The following GPLD1 variants were observed in gnomAD, a reference collection of about 807,000 sequenced individuals.
GPLD1 encodes the protein phosphatidylinositol-glycan-specific phospholipase D.
In GPLD1, 84 loss-of-function variants were observed where a neutral mutation model predicts 112.6. The observed-to-expected ratio is 0.75, with a 90% confidence interval of 0.63 to 0.89. The LOEUF (loss-of-function observed/expected upper bound fraction) is 0.89. GPLD1 is among the 40% of genes least tolerant of loss of function. The pLI is 0.00. For missense variants in GPLD1, 1,044 were observed against 1,051.5 expected (o/e 0.99, Z 0.10); for synonymous variants, 386 against 403.8 (o/e 0.96, Z 0.53).
chr6:24,464,730 G>T (rs1050209077), intron 10 of GPLD1, among the ~76,000 whole-genome samples: 1 of 152,138 alleles, frequency 6.6e-6, no homozygotes, highest in Non-Finnish European at 1.5e-5. Context: ...CCAGGCACAG[G>T]TCCCGCCCAG....
chr6:24,478,055 C>T (rs915953384), intron 3 of GPLD1, among the ~76,000 whole-genome samples: 2 of 152,146 alleles, frequency 1.3e-5, no homozygotes, highest in Non-Finnish European at 2.9e-5. Context: ...CTTTTCCACT[C>T]TCCTCAGAAC....
chr6:24,466,807 A>G lies in GPLD1; in HGVS notation c.694T>C (p.Tyr232His), dbSNP rs1372981594. Residue 232 changes from tyrosine (Y) to histidine (H), a missense_variant, in exon 10 of 25, where the codon TAC becomes CAC. Coordinates refer to ENST00000230036, the MANE Select transcript of GPLD1 (RefSeq NM_001503.4). The part of the protein sequence containing the change: ...MLAVSKLYPT[Y>H]STKSPFLVEQ... ...ACCAAAAACGGGGACTTTGTAGAGT[A>G]AGTGGGATATAACTATGGCAGAGAG... The G allele has an allele frequency of 3.7e-6, 6 of 1,610,146 alleles. No individual in the cohort carries two copies. Among genetic ancestry groups the G allele is most frequent in the Non-Finnish European group, 4.2e-6 (5 of 1,176,886 alleles).
At chr6:24,494,270 A>G (rs934883499), upstream of GPLD1, among the ~76,000 whole-genome samples, 2 of 152,158 alleles carry the variant, frequency 1.3e-5, no homozygotes, top group African/African-American at 2.4e-5. Flanking sequence ...ATATGGTTCT[A>G]TTTTATAAGT....
intron 14 of GPLD1, among the ~76,000 whole-genome samples, chr6:24,451,999 TC>T (rs1763106664): frequency 6.6e-6 from 1 of 152,222 alleles, no homozygotes; most frequent in Non-Finnish European, 1.5e-5. Flanking sequence ...GCCTTGAGTT[TC>T]CTATCATAAA....
chr6:24,430,869 A>G (rs1762380555), intron 24 of GPLD1, among the ~76,000 whole-genome samples: 2 of 152,208 alleles, frequency 1.3e-5, no homozygotes, highest in African/African-American at 4.8e-5. Context: ...ACCCAGGTAA[A>G]CAATAATTAG....
rs1448685448 is a variant in GPLD1, at chr6:24,483,901, TTTG to T, written c.153+2171_153+2173del. 3.5e-4 allele frequency among the ~76,000 whole-genome samples: 10 copies of T among 28,600 alleles called. No individual in the cohort carries two copies. In the South Asian group the frequency reaches 6.4e-3, roughly 18 times the overall value. The allele number at this position is 28,600 out of a possible 152,430, so 18.8% of individuals were successfully genotyped here. A position where few individuals can be genotyped will look rare whatever the true frequency, so the allele number is the denominator to read the frequency against. On this transcript the variant is annotated intron_variant, in intron 2 of 24. Transcript: ENST00000230036. ...TAGGATTAGAGGCATGCCCCACCACTTTGTTTTGTTTTGTTTTGTTTTGTTTTG... is the reference window on the plus strand; with the variant it reads ...TAGGATTAGAGGCATGCCCCACCACTTTTTGTTTTGTTTTGTTTTGTTTTG...
intron 2 of GPLD1, among the ~76,000 whole-genome samples, chr6:24,481,393 T>C (rs1025014671): frequency 6.6e-6 from 1 of 151,290 alleles, no homozygotes; most frequent in African/African-American, 2.4e-5. Flanking sequence ...GGACCATATA[T>C]AGGTGCAACA....
intron 10 of GPLD1, 50 bp from the exon 11 acceptor site, chr6:24,462,845 A>G (rs1233942729): frequency 7.5e-7 from 1 of 1,326,676 alleles, no homozygotes; most frequent in South Asian, 1.2e-5. Context: ...CTTCACAAGC[A>G]TGAATTTTAC....
intron 12 of GPLD1, among the ~76,000 whole-genome samples, chr6:24,456,956 C>T (rs970982584): frequency 1.3e-5 from 2 of 152,140 alleles, no homozygotes; most frequent in Non-Finnish European, 2.9e-5. Flanking sequence ...CTGCAACCTC[C>T]GCCCCCTGGG....
chr6:24,489,627 C>G (rs967211205), upstream of GPLD1: 7 of 1,503,046 alleles, frequency 4.7e-6, no homozygotes, highest in East Asian at 7.3e-5. Flanking sequence ...GGTCACTGAC[C>G]GAGGAAACCA....
chr6:24,495,031 C>A, exon 1 of GPLD1: 2 of 1,348,708 alleles, frequency 1.5e-6, no homozygotes, highest in South Asian at 2.2e-5. Flanking sequence ...AGCTGTGGGG[C>A]CCGGCGCCTC....
intron 12 of GPLD1, 79 bp from the exon 13 acceptor site, chr6:24,456,716 G>C: frequency 1.1e-6 from 1 of 930,306 alleles, no homozygotes; most frequent in Non-Finnish European, 1.6e-6. Flanking sequence ...CCAAAGTATT[G>C]GACTTGTGTA....
intron 24 of GPLD1, among the ~76,000 whole-genome samples, chr6:24,432,064 A>G (rs1461249589): frequency 6.6e-6 from 1 of 151,938 alleles, no homozygotes; most frequent in African/African-American, 2.4e-5. Flanking sequence ...CCTGGGCAAC[A>G]TGGTGAAACT....
intron 14 of GPLD1, among the ~76,000 whole-genome samples, chr6:24,452,688 A>G (rs1419924667): frequency 6.6e-6 from 1 of 152,008 alleles, no homozygotes; most frequent in Non-Finnish European, 1.5e-5. Context: ...AGATGGGAGA[A>G]TAACTTAAAC....
intron 14 of GPLD1, 40 bp from the exon 15 acceptor site, chr6:24,449,939 G>T: frequency 1.5e-6 from 2 of 1,361,528 alleles, no homozygotes; most frequent in Non-Finnish European, 2.0e-6. Context: ...GCTGAGCCAC[G>T]GCCTCGGAAA....
chr6:24,459,796 G>A (rs1445168639), intron 12 of GPLD1, among the ~76,000 whole-genome samples: 1 of 152,122 alleles, frequency 6.6e-6, no homozygotes, highest in Admixed American at 6.5e-5. Context: ...AACGCCTTTG[G>A]GACTAAGTCC....
intron 1 of GPLD1, among the ~76,000 whole-genome samples, chr6:24,489,064 G>A (rs898694399): frequency 2.0e-5 from 3 of 152,138 alleles, no homozygotes; most frequent in African/African-American, 7.2e-5. Flanking sequence ...TCTCACTCCT[G>A]CCATATTCCA....
chr6:24,445,923 C>T lies in GPLD1; in HGVS notation c.1821-92G>A, dbSNP rs143847913. ...GCAAGGAAAGGAAATGCACCTCCCC[C>T]CATCCAGGCCTCCCAGCAGGCTCTG... On this transcript the variant is annotated intron_variant, in intron 18 of 24. Coordinates refer to ENST00000230036, the MANE Select transcript of GPLD1 (RefSeq NM_001503.4). 6.8e-4 allele frequency: 571 copies of T among 845,552 alleles called. 1 individual carries two copies. The African/African-American group carries it at 7.0e-3, about 10-fold the overall frequency. 52.4% of individuals were successfully genotyped at this position (845,552 alleles called of 1,614,324 possible).
chr6:24,482,531 T>C (rs559001964), intron 2 of GPLD1, among the ~76,000 whole-genome samples: 5 of 152,256 alleles, frequency 3.3e-5, no homozygotes, highest in Admixed American at 3.3e-4. Flanking sequence ...TCCACCTGCC[T>C]TGGCCTTCCA....
Sources: allele counts gnomAD v4.1 joint callset (sites outside exome capture counted in the v4.1 genomes callset), GRCh38; gene constraint gnomAD v4.1.1; transcripts MANE v1.5; gene names NCBI Gene and HGNC (gene_info 2026-07-23, HGNC 2026-07-21).